Variants in KCNAB1 observed in about 807,000 individuals in gnomAD.
KCNAB1 encodes the protein potassium voltage-gated channel subfamily A regulatory beta subunit 1, also known as voltage-gated potassium channel subunit beta-1.
KCNAB1 carries 35 observed loss-of-function variants against 64.6 expected under a neutral mutation model. The ratio of observed to expected loss-of-function variants is 0.54; its 90% CI spans 0.41 to 0.72. KCNAB1 has a LOEUF of 0.72. Among genes scored for constraint, KCNAB1 ranks in the 30% least tolerant of loss-of-function variants. KCNAB1 has a pLI of 0.00. For synonymous variants in KCNAB1, 177 were observed against 183.8 expected, an observed-to-expected ratio of 0.96 and a Z score of 0.30; for missense variants, 401 against 512.9, an observed-to-expected ratio of 0.78 and a Z score of 2.11.
chr3:156,264,595 T>C (rs1718596615), intron 1 of KCNAB1, among the ~76,000 whole-genome samples: 2 of 152,160 alleles, frequency 1.3e-5, no homozygotes, highest in Non-Finnish European at 2.9e-5. Flanking sequence ...CACAATATAC[T>C]TCAGATTAAC....
intron 1 of KCNAB1, among the ~76,000 whole-genome samples, chr3:156,412,325 G>A (rs1714725630): frequency 6.6e-6 from 1 of 152,122 alleles, no homozygotes; most frequent in Admixed American, 6.5e-5. Flanking sequence ...TTCGATGAGA[G>A]ACAGTTTTAT....
At chr3:156,166,322 TA>T (rs1711557670) in intron 1 of KCNAB1, among the ~76,000 whole-genome samples, 1 of 152,066 alleles carries the variant, frequency 6.6e-6, no homozygotes, top group African/African-American at 2.4e-5. Context: ...TTTTAATACA[TA>T]AAAAGGGTCT....
intron 1 of KCNAB1, among the ~76,000 whole-genome samples, chr3:156,295,881 T>C (rs1720740474): frequency 6.6e-6 from 1 of 152,234 alleles, no homozygotes; most frequent in Non-Finnish European, 1.5e-5. Context: ...TCCTCTCTTC[T>C]AGCTATTTTG....
intron 8 of KCNAB1, among the ~76,000 whole-genome samples, chr3:156,478,726 C>G (rs1256144692): frequency 6.6e-6 from 1 of 152,040 alleles, no homozygotes; most frequent in African/African-American, 2.4e-5. Context: ...AAAAATAAAC[C>G]AAGACGAGCT....
At chr3:156,456,143 G>C (rs1175687767) in intron 3 of KCNAB1, 1 of 152,202 alleles carries the variant, frequency 6.6e-6, no homozygotes, top group African/African-American at 2.4e-5. Flanking sequence ...CTCAAGGCCA[G>C]AAATCACTCT....
intron 1 of KCNAB1, among the ~76,000 whole-genome samples, chr3:156,393,617 C>G (rs1309457963): frequency 6.6e-6 from 1 of 152,188 alleles, no homozygotes; most frequent in East Asian, 1.9e-4. Flanking sequence ...GCTTCCTATG[C>G]TACTATTCTT....
intron 2 of KCNAB1, among the ~76,000 whole-genome samples, chr3:156,444,143 C>A (rs977500477): frequency 1.3e-5 from 2 of 152,132 alleles, no homozygotes; most frequent in Admixed American, 1.3e-4. Context: ...CAGATGCGAG[C>A]CAGAACAAGG....
chr3:156,468,335 C>G (rs1713587780), intron 7 of KCNAB1, among the ~76,000 whole-genome samples: 1 of 151,946 alleles, frequency 6.6e-6, no homozygotes, highest in African/African-American at 2.4e-5. Context: ...CCAGTGTGAA[C>G]CATATGTGTG....
In KCNAB1 at chr3:156,319,455, A is replaced by C. The variant is rs954569482; in HGVS notation, c.276-102161A>C. 3.9e-5 allele frequency among the ~76,000 whole-genome samples: 6 copies of C among 152,214 alleles called. No homozygotes were observed. The South Asian group carries it at 1.2e-3, about 31-fold the overall frequency. ...ACTGGCTGTTCAAGCTTCTCCCAGA[A>C]GTGATGTTATCACTTCTATTCATTT... On this transcript the variant is annotated intron_variant, in intron 1 of 13. Transcript: ENST00000490337.
chr3:156,421,054 A>T (rs185565617), intron 1 of KCNAB1, among the ~76,000 whole-genome samples: 1 of 151,030 alleles, frequency 6.6e-6, no homozygotes. Context: ...ATAGTTTTAT[A>T]TTTGTTATTT....
intron 1 of KCNAB1, among the ~76,000 whole-genome samples, chr3:156,341,378 G>A (rs749862298): frequency 4.1e-4 from 62 of 152,166 alleles, no homozygotes; most frequent in Non-Finnish European, 6.8e-4. Context: ...AAGAAAAAGC[G>A]ATACCAGTAA....
At position 156,490,605 on chromosome 3, in the gene KCNAB1, G is replaced by T. The variant is rs192074809; in HGVS notation, c.658+15785G>T. ...AAAATACAATGGCTAATTTTTTAAA[G>T]TCAATTAGAATGCTGGACATTAAAG... On this transcript the variant is annotated intron_variant, in intron 8 of 13. Coordinates refer to ENST00000490337, the MANE Select transcript of KCNAB1 (RefSeq NM_172160.3). Among the ~76,000 whole-genome samples the T allele has an allele frequency of 2.0e-3, 301 of 152,206 alleles. 4 individuals are homozygous for T. Among genetic ancestry groups the T allele is most frequent in the African/African-American group, 7.0e-3 (292 of 41,552 alleles).
At chr3:156,126,920 G>A (rs1331872146) in intron 1 of KCNAB1, among the ~76,000 whole-genome samples, 3 of 152,192 alleles carry the variant, frequency 2.0e-5, no homozygotes, top group African/African-American at 4.8e-5. Flanking sequence ...CATTCCTGAC[G>A]CATGATCTAT....
intron 1 of KCNAB1, among the ~76,000 whole-genome samples, chr3:156,385,733 G>A (rs1183972417): frequency 6.6e-6 from 1 of 152,164 alleles, no homozygotes; most frequent in African/African-American, 2.4e-5. Context: ...CTGAATGTTA[G>A]ACTCTTTCAG....
intron 1 of KCNAB1, among the ~76,000 whole-genome samples, chr3:156,201,304 A>G (rs1714316201): frequency 6.6e-6 from 1 of 152,232 alleles, no homozygotes; most frequent in African/African-American, 2.4e-5. Flanking sequence ...TTATTAATAA[A>G]TATAATTTTA....
intron 1 of KCNAB1, among the ~76,000 whole-genome samples, chr3:156,335,434 A>T (rs1723625330): frequency 6.6e-6 from 1 of 152,192 alleles, no homozygotes; most frequent in Admixed American, 6.5e-5. Context: ...TACTCCTCAC[A>T]TACTATGAAA....
intron 8 of KCNAB1, among the ~76,000 whole-genome samples, chr3:156,477,471 C>T (rs1258329507): frequency 6.6e-6 from 1 of 152,094 alleles, no homozygotes; most frequent in Non-Finnish European, 1.5e-5. Flanking sequence ...TGCCTGCTCC[C>T]CCTCACTAGG....
chr3:156,526,352 G>T (rs1718310530), intron 12 of KCNAB1, among the ~76,000 whole-genome samples: 1 of 152,036 alleles, frequency 6.6e-6, no homozygotes, highest in South Asian at 2.1e-4. Flanking sequence ...ATTTTCTAGT[G>T]ACCACATTAA....
intron 1 of KCNAB1, among the ~76,000 whole-genome samples, chr3:156,385,256 G>T (rs1467725657): frequency 1.3e-5 from 2 of 152,124 alleles, no homozygotes; most frequent in Non-Finnish European, 2.9e-5. Context: ...GCTACTTTGG[G>T]AATCTTGTCT....
Sources: gnomAD v4.1 joint callset for allele counts (sites outside exome capture counted in the v4.1 genomes callset) on GRCh38, gnomAD v4.1.1 for gene constraint, MANE v1.5 for transcripts, NCBI Gene and HGNC (gene_info 2026-07-23, HGNC 2026-07-21) for gene names.